Variants in IKZF4 observed in about 807,000 individuals in gnomAD.
IKZF4 encodes the protein zinc finger protein Eos.
A neutral mutation model predicts 47.7 loss-of-function variants in IKZF4; 11 were observed. That is an observed-to-expected ratio of 0.23 (90% CI 0.15 to 0.38). The LOEUF is 0.38. Among genes scored for constraint, IKZF4 ranks in the 10% least tolerant of loss-of-function variants. IKZF4 has a pLI of 1.00. For missense variants in IKZF4, 557 were observed against 784.9 expected (o/e 0.71, Z 3.47); for synonymous variants, 298 against 299.4 (o/e 1.00, Z 0.05).
In IKZF4 at chr12:56,032,653, T is replaced by G; in HGVS notation, c.808T>G (p.Cys270Gly). Residue 270 changes from cysteine (C) to glycine (G), a missense_variant, in exon 6 of 8, where the codon TGC becomes GGC. Cys to Gly is a radical substitution (Grantham distance 159, BLOSUM62 -3). This residue lies in a region of IKZF4 where 72 missense variants were observed against 112.4 expected (regional missense o/e 0.64). Transcript: ENST00000547167. ...QSTLEEHKER[C>G]HNYLQSLSTE... is the part of the protein sequence containing the mutation. Reference sequence around the variant, plus strand: ...TACCCTGGAGGAGCACAAGGAGCGGTGCCATAACTACCTACAGAGTCTCAG... The same window carrying G: ...TACCCTGGAGGAGCACAAGGAGCGGGGCCATAACTACCTACAGAGTCTCAG... 1.9e-6 allele frequency: 3 copies of G among 1,614,010 alleles called. No homozygotes were observed. Among genetic ancestry groups the G allele is most frequent in the Admixed American group, 1.7e-5 (1 of 60,024 alleles).
At chr12:56,017,240 C>G (rs866352388), upstream of IKZF4, among the ~76,000 whole-genome samples, 32 of 144,388 alleles carry the variant, frequency 2.2e-4, no homozygotes, top group Admixed American at 3.5e-4. Context: ...CCGCCCCCCC[C>G]GTCCTTTTTT....
Position 56,031,947 on chromosome 12 carries a change from C to T in IKZF4, c.716-614C>T, listed in dbSNP as rs184730696. Among the ~76,000 whole-genome samples the T allele has an allele frequency of 2.4e-4, 36 of 152,060 alleles. No homozygotes were observed. In the East Asian group the frequency reaches 6.8e-3, roughly 29 times the overall value. ...TTCTAGACCTCTCTTGGTATCTCAG[C>T]GTAGAGAGACAGAGAGACAAAATAA... On this transcript the variant is annotated intron_variant, in intron 5 of 7. Transcript: ENST00000547167.
chr12:56,017,502 CT>C (rs2136589449), upstream of IKZF4, among the ~76,000 whole-genome samples: 1 of 152,198 alleles, frequency 6.6e-6, no homozygotes, highest in East Asian at 1.9e-4. Flanking sequence ...CTCTAAGGGG[CT>C]GTTTCTTTGC....
At chr12:56,033,682 T>G (rs988726767) in intron 7 of IKZF4, among the ~76,000 whole-genome samples, 2 of 151,178 alleles carry the variant, frequency 1.3e-5, no homozygotes, top group Admixed American at 6.6e-5. Flanking sequence ...ACTCCATCCA[T>G]CCTGGGCAAC....
chr12:56,022,355 T>C (rs1406532826), intron 1 of IKZF4, among the ~76,000 whole-genome samples: 2 of 152,210 alleles, frequency 1.3e-5, no homozygotes, highest in African/African-American at 4.8e-5. Context: ...TGATTTGGCT[T>C]TGCCCTCTGG....
At position 56,037,797 on chromosome 12, in the gene IKZF4, C is replaced by T. The variant is rs1396983489; in HGVS notation, c.*2466C>T. ...TTTTCAGAGCCTTCCAGCTCTGGAACCTCAAACATCCTCATGCTCTCTCCC... is the reference window on the plus strand; with the variant it reads ...TTTTCAGAGCCTTCCAGCTCTGGAATCTCAAACATCCTCATGCTCTCTCCC... On this transcript the variant is annotated 3_prime_UTR_variant, in exon 8 of 8. Coordinates refer to ENST00000547167, the MANE Select transcript of IKZF4 (RefSeq NM_022465.4). 2 of 152,104 alleles carry T rather than the reference C, an allele frequency of 1.3e-5. No homozygotes were observed. Among genetic ancestry groups the T allele is most frequent in the Non-Finnish European group, 2.9e-5 (2 of 67,972 alleles). 9.4% of individuals were successfully genotyped at this position (152,104 alleles called of 1,614,324 possible). A position where few individuals can be genotyped will look rare whatever the true frequency, so the allele number is the denominator to read the frequency against.
rs1894271790 is a variant in IKZF4 at position 56,027,823 on chromosome 12, C to G, written c.591C>G (p.Thr197=). Residue 197 remains threonine, a synonymous_variant, in exon 5 of 8, where the codon ACC becomes ACG. Coordinates refer to ENST00000547167, the MANE Select transcript of IKZF4 (RefSeq NM_022465.4). The part of the protein sequence containing the change: ...FHCNQCGASF[T]QKGNLLRHIK... ...GCAACCAGTGTGGTGCCTCCTTCAC[C>G]CAGAAGGGGAACCTGCTGCGCCACA... is the stretch of plus-strand genomic sequence containing the variant. 6.2e-6 allele frequency: 10 copies of G among 1,613,248 alleles called. No individual in the cohort carries two copies. Among genetic ancestry groups the G allele is most frequent in the African/African-American group, 1.3e-5 (1 of 74,914 alleles).
chr12:56,028,488 G>C (rs1024008517), intron 5 of IKZF4, among the ~76,000 whole-genome samples: 9 of 133,134 alleles, frequency 6.8e-5, no homozygotes, highest in Admixed American at 1.9e-4. Flanking sequence ...AGCTGAGATC[G>C]CGCCATTGCA....
At chr12:56,026,250 T>C (rs555024254) in intron 3 of IKZF4, among the ~76,000 whole-genome samples, 1 of 151,988 alleles carries the variant, frequency 6.6e-6, no homozygotes, top group South Asian at 2.1e-4. Context: ...CTTTTTTCTC[T>C]TGAAGCCTAT....
At chr12:56,025,838 G>C (rs1229262977) in intron 3 of IKZF4, among the ~76,000 whole-genome samples, 2 of 152,140 alleles carry the variant, frequency 1.3e-5, no homozygotes, top group Non-Finnish European at 2.9e-5. Flanking sequence ...TTCCTGCCCA[G>C]GGCCAAGCCA....
chr12:56,033,633 G>C (rs888067522), intron 7 of IKZF4, among the ~76,000 whole-genome samples: 5 of 152,090 alleles, frequency 3.3e-5, no homozygotes, highest in Non-Finnish European at 5.9e-5. Flanking sequence ...TGTGAACCTG[G>C]GAGGCGGAGC....
chr12:56,015,401 C>CT (rs919796944), intron 2 of IKZF4, among the ~76,000 whole-genome samples: 56 of 150,894 alleles, frequency 3.7e-4, no homozygotes, highest in African/African-American at 1.2e-3. Flanking sequence ...ACTTTGCATT[C>CT]TTTTTTTTTC....
chr12:56,028,049 T>C, intron 5 of IKZF4, 102 bp downstream of exon 5: 14 of 1,280,860 alleles, frequency 1.1e-5, no homozygotes, highest in Non-Finnish European at 1.3e-5. Flanking sequence ...GTGTCTGTCA[T>C]TGAGGAGGGG....
chr12:56,035,680 AG>A lies in IKZF4; in HGVS notation c.*351del. 1 of 193,894 alleles carries A rather than the reference AG, an allele frequency of 5.2e-6. No individual in the cohort carries two copies. The highest frequency in any genetic ancestry group is 1.2e-4 in the South Asian group (1 of 8,030). 12.0% of individuals were successfully genotyped at this position (193,894 alleles called of 1,614,324 possible). On this transcript the variant is annotated 3_prime_UTR_variant, in exon 8 of 8. Coordinates refer to ENST00000547167, the MANE Select transcript of IKZF4 (RefSeq NM_022465.4). The surrounding 1 kb of genome is among the most constrained non-coding windows in gnomAD (Gnocchi z 6.1). ...CCTGTCCACAACTCCTTTCCACTTT[AG>A]GCCAATTTTTCTCTCTTAGATCTTC...
intron 1 of IKZF4, 59 bp from the exon 2 acceptor site, chr12:56,023,612 A>T: frequency 6.3e-7 from 1 of 1,586,884 alleles, no homozygotes; most frequent in Non-Finnish European, 8.6e-7. Context: ...TTAGGAGAGG[A>T]TATGAATGGG....
At position 56,026,680 on chromosome 12, in the gene IKZF4, A is replaced by G. The variant is rs1331660704; in HGVS notation, c.287-101A>G. The G allele has an allele frequency of 2.4e-6, 3 of 1,272,942 alleles. No individual in the cohort carries two copies. In the African/African-American group the frequency reaches 4.8e-5, roughly 21 times the overall value. The allele number at this position is 1,272,942 out of a possible 1,614,324, so 78.9% of individuals were successfully genotyped here. On this transcript the variant is annotated intron_variant, in intron 3 of 7. Transcript: ENST00000547167. ...CTCCAGCCTGGGCAACAAGAGCGAA[A>G]TTCCATCTCAAAAAAAAAAAAAAAA...
At chr12:56,015,518 C>T (rs529437144) in intron 2 of IKZF4, among the ~76,000 whole-genome samples, 7 of 152,034 alleles carry the variant, frequency 4.6e-5, no homozygotes, top group African/African-American at 7.2e-5. Context: ...CTCAGCCTCC[C>T]GAGTAGATGG....
upstream of IKZF4, among the ~76,000 whole-genome samples, chr12:56,020,357 AC>A (rs1446267835): frequency 6.6e-6 from 1 of 152,078 alleles, no homozygotes; most frequent in Non-Finnish European, 1.5e-5. Flanking sequence ...ACAGATAACC[AC>A]CCCCTCCATT....
At position 56,034,898 on chromosome 12, in the gene IKZF4, T is replaced by G; in HGVS notation, c.1325T>G (p.Leu442Arg). 1 of 1,606,012 alleles carries G rather than the reference T, an allele frequency of 6.2e-7. No individual in the cohort carries two copies. Among genetic ancestry groups the G allele is most frequent in the Non-Finnish European group, 8.5e-7 (1 of 1,175,654 alleles). ...CTCCTCTACCGGCCCCGAGGCCCCC[T>G]GACTGACCCTGGGGCATCCCCCAGC... ...GPLLYRPRGP[L>R]TDPGASPSNG... Residue 442 changes from leucine to arginine, a missense_variant, in exon 8 of 8, where the codon CTG (leucine) becomes CGG (arginine). Coordinates refer to ENST00000547167, the MANE Select transcript of IKZF4 (RefSeq NM_022465.4).
Sources: gnomAD v4.1 joint callset for allele counts (sites outside exome capture counted in the v4.1 genomes callset) on GRCh38, gnomAD v4.1.1 for gene constraint, gnomAD v4.1.1 regional missense constraint, Gnocchi (gnomAD v3.1) non-coding constraint, MANE v1.5 for transcripts, NCBI Gene and HGNC (gene_info 2026-07-23, HGNC 2026-07-21) for gene names.